Variants in DPYSL2 observed in about 807,000 individuals in gnomAD.
DPYSL2 encodes dihydropyrimidinase like 2.
In DPYSL2, 13 loss-of-function variants were observed where a neutral mutation model predicts 69.9. The observed-to-expected ratio is 0.19, with a 90% CI of 0.12 to 0.30. DPYSL2 has a LOEUF of 0.30. Among genes scored for constraint, DPYSL2 ranks in the 10% least tolerant of loss-of-function variants. The pLI is 1.00. For synonymous variants in DPYSL2, 326 were observed against 359.1 expected, an observed-to-expected ratio of 0.91 and a Z score of 1.04; for missense variants, 587 against 918.9, an observed-to-expected ratio of 0.64 and a Z score of 4.67.
intron 1 of DPYSL2, among the ~76,000 whole-genome samples, chr8:26,578,836 G>T (rs563244210): frequency 6.6e-6 from 1 of 152,358 alleles, no homozygotes; most frequent in South Asian, 2.1e-4. Context: ...GCTGAAAAGG[G>T]CAGGGTGTAC....
chr8:26,577,212 C>T (rs919877380), intron 1 of DPYSL2: 1 of 421,948 alleles, frequency 2.4e-6, no homozygotes, highest in East Asian at 1.1e-4. Context: ...TCTGCAGCCT[C>T]CCCCCGGCCC....
At chr8:26,555,696 G>T (rs1349303087) in intron 1 of DPYSL2, among the ~76,000 whole-genome samples, 1 of 151,284 alleles carries the variant, frequency 6.6e-6, no homozygotes, top group East Asian at 1.9e-4. Flanking sequence ...ACCAGCCTGG[G>T]CAACATGGGG....
Position 26,643,929 on chromosome 8 carries a change from C to T in DPYSL2, c.1284-21C>T, listed in dbSNP as rs369140592. On this transcript the variant is annotated intron_variant, in intron 9 of 13. Transcript: ENST00000521913. This position sits in a 1 kb window ranked among gnomAD's most constrained non-coding sequence, Gnocchi z 6.5. ...GCATCTTGACGAAGCTGCAGCACCA[C>T]GTTATGCATTTTCTTTGCAGTGGAG... The T allele has an allele frequency of 4.8e-5, 77 of 1,611,544 alleles. No homozygotes were observed. In the East Asian group the frequency reaches 7.6e-4, roughly 16 times the overall value.
chr8:26,606,873 G>A (rs957816221), intron 3 of DPYSL2, among the ~76,000 whole-genome samples: 2 of 152,154 alleles, frequency 1.3e-5, no homozygotes. Flanking sequence ...AGTTAAATAA[G>A]TAGAAGTTGT....
chr8:26,578,757 G>A (rs532627581), intron 1 of DPYSL2, among the ~76,000 whole-genome samples: 2 of 152,334 alleles, frequency 1.3e-5, no homozygotes, highest in Admixed American at 1.3e-4. Context: ...AGGGCTTTCT[G>A]GAGCCTTCTC....
chr8:26,554,366 G>GTTT (rs35311135), intron 1 of DPYSL2, among the ~76,000 whole-genome samples: 29 of 146,006 alleles, frequency 2.0e-4, no homozygotes, highest in African/African-American at 7.3e-4. Context: ...GTTTTTAATG[G>GTTT]TTTTTTTTTT....
At position 26,586,580 on chromosome 8, in the gene DPYSL2, T is replaced by TTGC. The variant is rs1218744377; in HGVS notation, c.628+2597_628+2598insTGC. Among the ~76,000 whole-genome samples, 27 of 152,144 alleles carry TTGC rather than the reference T, an allele frequency of 1.8e-4. No individual in the cohort carries two copies. The highest frequency in any genetic ancestry group is 3.1e-4 in the Non-Finnish European group (21 of 68,018). On this transcript the variant is annotated intron_variant, in intron 3 of 13. Coordinates refer to ENST00000521913, the MANE Select transcript of DPYSL2 (RefSeq NM_001197293.3). This position sits in a 1 kb window ranked among gnomAD's most constrained non-coding sequence, Gnocchi z 4.7. ...CCTTCCCTTCCCCACCACAGGAGCA[T>TTGC]CACCTTCTTGCCACCACCCCGAATT...
intron 3 of DPYSL2, 145 bp from the exon 4 acceptor site, chr8:26,623,998 A>C: frequency 1.2e-6 from 1 of 822,666 alleles, no homozygotes; most frequent in African/African-American, 1.7e-5. Context: ...GCTGGGTTAC[A>C]TGGATTCTTA....
In DPYSL2 at chr8:26,578,682, T is replaced by G. The variant is rs575341149; in HGVS notation, c.355-3287T>G. 5.8e-5 allele frequency: 53 copies of G among 919,098 alleles called. No individual in the cohort carries two copies. In the African/African-American group the frequency reaches 9.5e-4, roughly 16 times the overall value. The allele number at this position is 919,098 out of a possible 1,614,324, so 56.9% of individuals were successfully genotyped here. ...TGGGCTGCGTGCTGCGAGGCTGGAC[T>G]CCTCCAGCAGCGATGGGGAGATGGG... is the stretch of plus-strand genomic sequence containing the variant. On this transcript the variant is annotated intron_variant, in intron 1 of 13. Transcript: ENST00000521913.
chr8:26,607,168 A>G (rs1450168384), intron 3 of DPYSL2, among the ~76,000 whole-genome samples: 1 of 152,222 alleles, frequency 6.6e-6, no homozygotes, highest in Non-Finnish European at 1.5e-5. Flanking sequence ...CCATCCCTAG[A>G]AAATAGTAGT....
At chr8:26,604,407 AGT>A (rs1487217860) in intron 3 of DPYSL2, among the ~76,000 whole-genome samples, 2 of 152,200 alleles carry the variant, frequency 1.3e-5, no homozygotes, top group Non-Finnish European at 2.9e-5. Context: ...CCCAGTGGCC[AGT>A]TTCCATCTGG....
intron 3 of DPYSL2, among the ~76,000 whole-genome samples, chr8:26,606,545 T>TA (rs572770797): frequency 2.0e-5 from 3 of 152,068 alleles, no homozygotes; most frequent in Non-Finnish European, 2.9e-5. Flanking sequence ...AACATTTTAA[T>TA]AAAAAAAGCA....
intron 1 of DPYSL2, among the ~76,000 whole-genome samples, chr8:26,579,176 A>G (rs1341141114): frequency 6.6e-6 from 1 of 152,256 alleles, no homozygotes; most frequent in East Asian, 1.9e-4. Context: ...CGGCCAGACA[A>G]TGATCGCGGC....
chr8:26,572,291 C>A (rs1156959838), intron 1 of DPYSL2, among the ~76,000 whole-genome samples: 2 of 152,194 alleles, frequency 1.3e-5, no homozygotes, highest in African/African-American at 4.8e-5. Context: ...ACGTTCCGGG[C>A]AGATGCTGAG....
rs549785508 is a variant in DPYSL2 at position 26,563,413 on chromosome 8, A to G, written c.355-18556A>G. ...TTGAGTCAGAAACTTTGCTGCAAAA[A>G]TTGAATTGAAGCCCCAATATCTTTT... is the stretch of plus-strand genomic sequence containing the variant. On this transcript the variant is annotated intron_variant, in intron 1 of 13. Coordinates refer to ENST00000521913, the MANE Select transcript of DPYSL2 (RefSeq NM_001197293.3). 2.6e-5 allele frequency among the ~76,000 whole-genome samples: 4 copies of G among 152,330 alleles called. No homozygotes were observed. In the East Asian group the frequency reaches 7.7e-4, roughly 29 times the overall value.
chr8:26,572,330 C>T (rs538681494), intron 1 of DPYSL2, among the ~76,000 whole-genome samples: 2 of 152,318 alleles, frequency 1.3e-5, no homozygotes, highest in East Asian at 1.9e-4. Flanking sequence ...CCGCCCGAGG[C>T]ACTGGAGTTA....
chr8:26,622,724 A>G (rs1802526784), intron 3 of DPYSL2, among the ~76,000 whole-genome samples: 1 of 152,144 alleles, frequency 6.6e-6, no homozygotes, highest in Admixed American at 6.6e-5. Context: ...GCTGGTCTCA[A>G]ACTCTTGATT....
At chr8:26,544,632 C>A (rs1288557950) in intron 1 of DPYSL2, among the ~76,000 whole-genome samples, 1 of 152,218 alleles carries the variant, frequency 6.6e-6, no homozygotes, top group Non-Finnish European at 1.5e-5. Context: ...TCCAGTTCCT[C>A]TCCACCGCCA....
At chr8:26,646,041 T>G (rs748996155) in intron 10 of DPYSL2, among the ~76,000 whole-genome samples, 2 of 151,624 alleles carry the variant, frequency 1.3e-5, no homozygotes, top group Non-Finnish European at 2.9e-5. Context: ...AATTTTGGTA[T>G]TTTTAGTAGA....
Sources: allele counts gnomAD v4.1 joint callset (sites outside exome capture counted in the v4.1 genomes callset), GRCh38; gene constraint gnomAD v4.1.1; non-coding constraint Gnocchi (gnomAD v3.1); transcripts MANE v1.5; gene names NCBI Gene and HGNC (gene_info 2026-07-23, HGNC 2026-07-21).